The following CSMD1 variants were observed in gnomAD, a reference collection of about 807,000 sequenced individuals.
CSMD1 encodes the protein CUB and Sushi multiple domains 1.
Under a neutral mutation model 417.5 loss-of-function variants are expected in CSMD1, and 213 were observed. The observed-to-expected ratio is 0.51, with a 90% CI of 0.46 to 0.57. The LOEUF (loss-of-function observed/expected upper bound fraction) is 0.57. Ranked by LOEUF, CSMD1 falls within the 20% of genes least tolerant of loss-of-function variation. The pLI is 0.00. For missense variants in CSMD1, 6,923 were observed against 4,529.7 expected (o/e 1.53, Z -15.17); for synonymous variants, 2,862 against 1,736.8 (o/e 1.65, Z -16.11).
chr8:3,772,334 G>T (rs13275608), intron 5 of CSMD1, among the ~76,000 whole-genome samples: 16,915 of 33,778 alleles, frequency 0.5, 3,067 homozygotes, highest in Middle Eastern at 0.63. Context: ...CATATATTTA[G>T]ACATACATAT....
intron 3 of CSMD1, among the ~76,000 whole-genome samples, chr8:4,151,702 A>G (rs1026449166): frequency 1.3e-5 from 2 of 152,234 alleles, no homozygotes; most frequent in African/African-American, 4.8e-5. Flanking sequence ...GATTTCCTCA[A>G]GCTCACACAG....
chr8:4,023,411 A>G (rs28462678), intron 4 of CSMD1, among the ~76,000 whole-genome samples: 1,667 of 152,272 alleles, frequency 0.011, 40 homozygotes, highest in African/African-American at 0.037. Context: ...TTCCAATTTC[A>G]TTATGAATAA....
chr8:3,270,938 A>G (rs1315522443), intron 26 of CSMD1, among the ~76,000 whole-genome samples: 3 of 134,422 alleles, frequency 2.2e-5, no homozygotes, highest in Admixed American at 7.6e-5. Flanking sequence ...TTTATTTATT[A>G]TTATTATACT....
At chr8:4,808,538 C>G (rs993453806) in intron 1 of CSMD1, among the ~76,000 whole-genome samples, 1 of 152,100 alleles carries the variant, frequency 6.6e-6, no homozygotes, top group South Asian at 2.1e-4. Flanking sequence ...TAGAAAAAGG[C>G]TTTCAGTGAT....
chr8:3,669,519 T>C (rs187884351), intron 7 of CSMD1, among the ~76,000 whole-genome samples: 1 of 152,296 alleles, frequency 6.6e-6, no homozygotes, highest in East Asian at 1.9e-4. Flanking sequence ...AGTCCCAAGT[T>C]AATGAATCTT....
At chr8:4,216,765 T>A (rs1282263019) in intron 3 of CSMD1, among the ~76,000 whole-genome samples, 1 of 152,124 alleles carries the variant, frequency 6.6e-6, no homozygotes, top group Non-Finnish European at 1.5e-5. Context: ...ACCATTCTCT[T>A]TACAGAAAAG....
chr8:4,160,720 T>C (rs1003455585), intron 3 of CSMD1, among the ~76,000 whole-genome samples: 3 of 152,332 alleles, frequency 2.0e-5, no homozygotes, highest in South Asian at 2.1e-4. Context: ...TTGTGGCAAG[T>C]TGCAATTATT....
At chr8:4,620,579 G>C (rs1381762820) in intron 2 of CSMD1, among the ~76,000 whole-genome samples, 1 of 151,732 alleles carries the variant, frequency 6.6e-6, no homozygotes, top group Non-Finnish European at 1.5e-5. Flanking sequence ...AACTGCAGTA[G>C]AATTAAACGA....
At position 4,444,833 on chromosome 8, in the gene CSMD1, A is replaced by AG. The variant is rs933873774; in HGVS notation, c.303-24769dup. ...CTTGTGACCTCAGCCACAAGCCTTC[A>AG]GGTGCAAATGACAACCCAGAGGACT... is the stretch of plus-strand genomic sequence containing the variant. On this transcript the variant is annotated intron_variant, in intron 2 of 69. Coordinates refer to ENST00000635120, the MANE Select transcript of CSMD1 (RefSeq NM_033225.6). Among the ~76,000 whole-genome samples, 85 of 152,240 alleles carry AG rather than the reference A, an allele frequency of 5.6e-4. 1 individual carries two copies. Among genetic ancestry groups the AG allele is most frequent in the Admixed American group, 3.9e-4 (6 of 15,286 alleles).
chr8:3,260,075 T>A (rs1444616), intron 26 of CSMD1, among the ~76,000 whole-genome samples: 85,408 of 151,968 alleles, frequency 0.56, 24,428 homozygotes, highest in African/African-American at 0.6. Flanking sequence ...ATGAAATAAT[T>A]TTTTTGCATT....
intron 1 of CSMD1, among the ~76,000 whole-genome samples, chr8:4,908,162 C>A (rs1271700836): frequency 6.6e-6 from 1 of 152,082 alleles, no homozygotes; most frequent in Non-Finnish European, 1.5e-5. Flanking sequence ...TTTTTCCTTT[C>A]AAAACTTTAA....
intron 5 of CSMD1, among the ~76,000 whole-genome samples, chr8:3,848,226 C>G (rs936970695): frequency 6.6e-6 from 1 of 152,152 alleles, no homozygotes; most frequent in Admixed American, 6.5e-5. Context: ...GGACATTGAT[C>G]CTGCCCTTAA....
At chr8:3,728,004 G>C (rs1585142524) in intron 6 of CSMD1, among the ~76,000 whole-genome samples, 1 of 152,270 alleles carries the variant, frequency 6.6e-6, no homozygotes, top group East Asian at 1.9e-4. Context: ...GGTGGTGGAG[G>C]CTACACAACA....
chr8:3,947,279 C>T (rs948241877), intron 5 of CSMD1, among the ~76,000 whole-genome samples: 4 of 151,938 alleles, frequency 2.6e-5, no homozygotes, highest in South Asian at 2.1e-4. Context: ...CATTTATTGA[C>T]GTGATTATGT....
At chr8:3,145,216 G>C (rs1261212603) in intron 40 of CSMD1, among the ~76,000 whole-genome samples, 1 of 152,156 alleles carries the variant, frequency 6.6e-6, no homozygotes, top group Non-Finnish European at 1.5e-5. Context: ...AAAACAACCT[G>C]CTGAATTGCT....
chr8:2,978,757 A>G lies in CSMD1; in HGVS notation c.8421T>C (p.Arg2807=). Residue 2807 remains arginine, a synonymous_variant, in exon 55 of 70, where the codon CGT becomes CGC. Coordinates refer to ENST00000635120, the MANE Select transcript of CSMD1 (RefSeq NM_033225.6). ...TCTCAGGGAAGTTCTGTTGCCCGTG[A>G]CGAATGGCATTTTCCACAAAGCCTG... is the stretch of plus-strand genomic sequence containing the variant. ...SDPGFVENAI[R]HGQQNFPESF... is the part of the protein sequence containing the mutation. 1 of 1,613,460 alleles carries G rather than the reference A, an allele frequency of 6.2e-7. No homozygotes were observed. Among genetic ancestry groups the G allele is most frequent in the Non-Finnish European group, 8.5e-7 (1 of 1,179,744 alleles).
chr8:3,964,319 T>C (rs1812527955), intron 5 of CSMD1, among the ~76,000 whole-genome samples: 1 of 152,188 alleles, frequency 6.6e-6, no homozygotes, highest in Non-Finnish European at 1.5e-5. Context: ...CGGCCATAAG[T>C]CTCATTGTGT....
chr8:4,282,436 G>C (rs1009205259), intron 3 of CSMD1, among the ~76,000 whole-genome samples: 10 of 152,212 alleles, frequency 6.6e-5, no homozygotes, highest in African/African-American at 1.9e-4. Context: ...TCCAAGCAAG[G>C]TCCTATTGCC....
intron 12 of CSMD1, among the ~76,000 whole-genome samples, chr8:3,424,782 A>T (rs1813716318): frequency 6.6e-6 from 1 of 152,198 alleles, no homozygotes; most frequent in Non-Finnish European, 1.5e-5. Context: ...CCCTTATTTG[A>T]CTTAACAATT....
Sources: gnomAD v4.1 joint callset for allele counts (sites outside exome capture counted in the v4.1 genomes callset) on GRCh38, gnomAD v4.1.1 for gene constraint, MANE v1.5 for transcripts, NCBI Gene and HGNC (gene_info 2026-07-23, HGNC 2026-07-21) for gene names.